NHS: variants seen among roughly 807,000 people sequenced by gnomAD.
NHS encodes actin remodeling regulator NHS.
A neutral mutation model predicts 72.5 loss-of-function variants in NHS; 5 were observed. The observed-to-expected ratio is 0.07, with a 90% CI of 0.04 to 0.14. NHS has a LOEUF of 0.14. Ranked by LOEUF, NHS falls within the 10% of genes least tolerant of loss-of-function variation. The probability of loss-of-function intolerance (pLI) is 1.00; values close to 1 mark genes in which losing one functional copy is unlikely to be tolerated. For synonymous variants in NHS, 464 were observed against 547.7 expected (o/e 0.85, Z 2.13); for missense variants, 1,072 against 1,355.7 (o/e 0.79, Z 3.29).
intron 1 of NHS, among the ~76,000 whole-genome samples, chrX:17,657,560 A>C (rs1365987669): frequency 8.9e-6 from 1 of 112,096 alleles, no homozygotes; most frequent in Non-Finnish European, 1.9e-5. Flanking sequence ...CATCCTTCAG[A>C]GCAATTCACC....
intron 1 of NHS, among the ~76,000 whole-genome samples, chrX:17,453,820 G>C (rs1309252564): frequency 8.9e-6 from 1 of 111,986 alleles, no homozygotes; most frequent in Non-Finnish European, 1.9e-5. Context: ...CTACTGATAT[G>C]TATCAGTCTG....
At chrX:17,666,379 A>G (rs2066012966) in intron 1 of NHS, among the ~76,000 whole-genome samples, 1 of 111,296 alleles carries the variant, frequency 9.0e-6, no homozygotes, top group Non-Finnish European at 1.9e-5. Context: ...AACAAATTTG[A>G]TAAAGAATGG....
chrX:17,543,944 G>T (rs1286769126), intron 1 of NHS, among the ~76,000 whole-genome samples: 1 of 112,006 alleles, frequency 8.9e-6, no homozygotes, highest in East Asian at 2.8e-4. Flanking sequence ...ATAAATCATG[G>T]TTTCTTTCTT....
At chrX:17,440,706 C>T (rs2064748103) in intron 1 of NHS, among the ~76,000 whole-genome samples, 1 of 111,779 alleles carries the variant, frequency 8.9e-6, no homozygotes, top group Non-Finnish European at 1.9e-5. Context: ...GTTTTCCTGT[C>T]TCTCTGGCCT....
At chrX:17,718,335 A>AGGAG (rs2066377045) in intron 3 of NHS, among the ~76,000 whole-genome samples, 1 of 72,240 alleles carries the variant, frequency 1.4e-5, no homozygotes, top group African/African-American at 5.4e-5. Context: ...AAGGAAAGGA[A>AGGAG]GGAGGGAGGG....
chrX:17,513,328 C>G (rs1202306440), intron 1 of NHS, among the ~76,000 whole-genome samples: 1 of 110,977 alleles, frequency 9.0e-6, no homozygotes, highest in Non-Finnish European at 1.9e-5. Flanking sequence ...ATCTCAATAC[C>G]TTATTTCTCC....
At chrX:17,483,949 T>C (rs1034557086) in intron 1 of NHS, among the ~76,000 whole-genome samples, 3 of 111,854 alleles carry the variant, frequency 2.7e-5, no homozygotes, top group Admixed American at 1.9e-4. Context: ...AGCTTTTCTC[T>C]TGGATCTCCA....
chrX:17,633,403 G>A (rs1389390927), intron 1 of NHS, among the ~76,000 whole-genome samples: 2 of 112,182 alleles, frequency 1.8e-5, no homozygotes, highest in Non-Finnish European at 1.9e-5. Flanking sequence ...AGGAGGCATT[G>A]TGCATCCAGG....
intron 1 of NHS, among the ~76,000 whole-genome samples, chrX:17,398,552 CTA>C (rs982940368): frequency 3.6e-5 from 4 of 112,356 alleles, no homozygotes; most frequent in Non-Finnish European, 7.5e-5. Context: ...GCCCATAATT[CTA>C]TGAGTTGGCA....
intron 1 of NHS, among the ~76,000 whole-genome samples, chrX:17,626,065 C>A (rs983924988): frequency 8.9e-6 from 1 of 112,269 alleles, no homozygotes; most frequent in Non-Finnish European, 1.9e-5. Flanking sequence ...TAATTAAAAT[C>A]AAATGAAATT....
intron 1 of NHS, among the ~76,000 whole-genome samples, chrX:17,539,809 G>A (rs2065253862): frequency 9.0e-6 from 1 of 111,610 alleles, no homozygotes; most frequent in Non-Finnish European, 1.9e-5. Flanking sequence ...CTCTTTAATG[G>A]GGCAGGGTCA....
At chrX:17,476,836 T>C (rs1297992421) in intron 1 of NHS, among the ~76,000 whole-genome samples, 1 of 111,903 alleles carries the variant, frequency 8.9e-6, no homozygotes, top group Non-Finnish European at 1.9e-5. Context: ...CCTTCTACAG[T>C]CCTGGTTCAG....
intron 1 of NHS, among the ~76,000 whole-genome samples, chrX:17,457,512 C>T (rs1445055135): frequency 9.0e-6 from 1 of 111,501 alleles, no homozygotes; most frequent in East Asian, 2.8e-4. Context: ...GGCACCAAAG[C>T]ATGCATGAGG....
chrX:17,489,570 C>T (rs1342675398), intron 1 of NHS, among the ~76,000 whole-genome samples: 2 of 112,215 alleles, frequency 1.8e-5, no homozygotes, highest in Non-Finnish European at 3.8e-5. Context: ...TCACTGAAAG[C>T]TCAGCCTCCT....
At chrX:17,526,923 G>GATTC (rs1243360022) in intron 1 of NHS, among the ~76,000 whole-genome samples, 1 of 112,550 alleles carries the variant, frequency 8.9e-6, no homozygotes, top group Non-Finnish European at 1.9e-5. Flanking sequence ...GAAGCAGGAA[G>GATTC]ATTCATTTGA....
At chrX:17,467,225 G>A (rs1029982215) in intron 1 of NHS, among the ~76,000 whole-genome samples, 1 of 111,875 alleles carries the variant, frequency 8.9e-6, no homozygotes, top group Non-Finnish European at 1.9e-5. Flanking sequence ...TACTGAAGTT[G>A]TCTTTTCTTT....
chrX:17,466,226 A>C (rs1457135294), intron 1 of NHS, among the ~76,000 whole-genome samples: 1 of 112,940 alleles, frequency 8.9e-6, no homozygotes, highest in African/African-American at 3.2e-5. Flanking sequence ...AGAAGGAGAT[A>C]GAGATGCCAT....
chrX:17,719,482 A>G (rs1305153238), intron 4 of NHS, 76 bp downstream of exon 4: 4 of 804,720 alleles, frequency 5.0e-6, no homozygotes, highest in Admixed American at 3.9e-5. Flanking sequence ...CCCTCTTTTA[A>G]CTTTATGGAA....
At chrX:17,382,896 G>C (rs1448654500) in intron 1 of NHS, among the ~76,000 whole-genome samples, 1 of 112,135 alleles carries the variant, frequency 8.9e-6, no homozygotes, top group Non-Finnish European at 1.9e-5. Flanking sequence ...GGCCTTGCTT[G>C]TTGGGAAGGC....
Sources: allele counts gnomAD v4.1 joint callset (sites outside exome capture counted in the v4.1 genomes callset), GRCh38; gene constraint gnomAD v4.1.1; transcripts MANE v1.5; gene names NCBI Gene and HGNC (gene_info 2026-07-23, HGNC 2026-07-21).